PCK2: variants seen among roughly 807,000 people sequenced by gnomAD.
The protein encoded by PCK2 is phosphoenolpyruvate carboxykinase 2, mitochondrial.
Under a neutral mutation model 65.9 loss-of-function variants are expected in PCK2, and 56 were observed. The observed-to-expected ratio is 0.85, with a 90% CI of 0.69 to 1.06. The LOEUF is 1.06. Among genes scored for constraint, PCK2 ranks in the 50% least tolerant of loss-of-function variants. PCK2 has a pLI of 0.00. For synonymous variants in PCK2, 305 were observed against 319.6 expected, an observed-to-expected ratio of 0.95 and a Z score of 0.49; for missense variants, 843 against 863.1, an observed-to-expected ratio of 0.98 and a Z score of 0.29.
rs745884414 is a variant in PCK2, at chr14:24,098,284, G to A, written c.357G>A (p.Thr119=). The A allele has an allele frequency of 7.4e-6, 12 of 1,613,992 alleles. No individual in the cohort carries two copies. The South Asian group carries it at 7.7e-5, about 10-fold the overall frequency. ...TTGTAACTCCTTCTCAGCGGGACAC[G>A]GTACCACTCCCGCCTGGTGGGGCCC... is the stretch of plus-strand genomic sequence containing the variant. ...TVIVTPSQRD[T]VPLPPGGARG... is the part of the protein sequence containing the mutation. The change falls in exon 3 of 10, where the codon ACG becomes ACA. Residue 119 remains threonine (T), a synonymous_variant. Coordinates refer to ENST00000216780, the MANE Select transcript of PCK2 (RefSeq NM_004563.4).
rs1566578856 is a variant in PCK2, at chr14:24,100,176, T to G, written c.1197T>G (p.Val399=). ...EGIDQPLPPG[V]TVTSWLGKPW... ...TTGACCAGCCTCTTCCACCTGGTGT[T>G]ACTGTGACCTCCTGGCTGGGCAAAC... Residue 399 remains valine (V), a synonymous_variant, in exon 7 of 10, where the codon GTT becomes GTG. Transcript: ENST00000216780. 1 of 1,614,184 alleles carries G rather than the reference T, an allele frequency of 6.2e-7. No homozygotes were observed. The highest frequency in any genetic ancestry group is 8.5e-7 in the Non-Finnish European group (1 of 1,180,026).
At chr14:24,099,757 CT>C in intron 6 of PCK2, 37 bp downstream of exon 6, 1 of 1,587,446 alleles carries the variant, frequency 6.3e-7, no homozygotes, top group Admixed American at 1.7e-5. Context: ...GGTTCTGGCT[CT>C]TGTCAGAGCC....
chr14:24,094,489 C>A lies in PCK2; in HGVS notation c.29+55C>A. ...GCACCTTCCGCTGCGCTCGCCCCCT[C>A]GGGGCTGCCAGTGGCGCTCTCCTGC... is the stretch of plus-strand genomic sequence containing the variant. On this transcript the variant is annotated intron_variant, in intron 1 of 9. Coordinates refer to ENST00000216780, the MANE Select transcript of PCK2 (RefSeq NM_004563.4). The surrounding 1 kb of genome is among the most constrained non-coding windows in gnomAD (Gnocchi z 4.1). The A allele has an allele frequency of 2.0e-6, 3 of 1,482,042 alleles. No homozygotes were observed. Among genetic ancestry groups the A allele is most frequent in the South Asian group, 2.6e-5 (2 of 76,078 alleles). The allele number at this position is 1,482,042 out of a possible 1,614,324, so 91.8% of individuals were successfully genotyped here.
Position 24,102,818 on chromosome 14 carries a change from A to G in PCK2, c.1300A>G (p.Met434Val), listed in dbSNP as rs200768361. 38 of 1,613,934 alleles carry G rather than the reference A, an allele frequency of 2.4e-5. No individual in the cohort carries two copies. Among genetic ancestry groups the G allele is most frequent in the Non-Finnish European group, 2.1e-5 (25 of 1,179,830 alleles). The change falls in exon 8 of 10, where the codon ATG (methionine) becomes GTG (valine). Residue 434 changes from methionine to valine, a missense_variant. Physicochemically the swap from Met to Val is conservative, Grantham distance 21. Transcript: ENST00000216780. ...TGCCCCGGCTCGCCAGTGCCCCATC[A>G]TGGACCCAGCCTGGGAGGCCCCAGA... ...FCAPARQCPI[M>V]DPAWEAPEGV...
In PCK2 at chr14:24,096,952, G is replaced by A. The variant is rs1442237851; in HGVS notation, c.90G>A (p.Leu30=). ...GWPSCRSIQT[L]RVLSGDLGQL... Reference sequence around the variant, plus strand: ...CATCATGCCGTAGCATCCAGACCCTGCGAGTGCTTAGTGGAGATCTGGGCC... The same window carrying A: ...CATCATGCCGTAGCATCCAGACCCTACGAGTGCTTAGTGGAGATCTGGGCC... The change falls in exon 2 of 10, where the codon CTG becomes CTA. Residue 30 remains leucine, a synonymous_variant. Coordinates refer to ENST00000216780, the MANE Select transcript of PCK2 (RefSeq NM_004563.4). The A allele has an allele frequency of 6.2e-7, 1 of 1,613,578 alleles. No homozygotes were observed. Among genetic ancestry groups the A allele is most frequent in the East Asian group, 2.2e-5 (1 of 44,886 alleles).
chr14:24,099,318 C>T, intron 5 of PCK2, 82 bp downstream of exon 5: 1 of 1,350,178 alleles, frequency 7.4e-7, no homozygotes, highest in Non-Finnish European at 1.0e-6. Flanking sequence ...GCCTCACCTC[C>T]CTCCTGCCAG....
rs2036917793 is a variant in PCK2, at chr14:24,097,068, A to T, written c.206A>T (p.Glu69Val). Residue 69 changes from glutamate (E) to valine (V), a missense_variant, in exon 2 of 10, where the codon GAG (glutamate) becomes GTG (valine). By Grantham distance (121) the Glu-to-Val change is moderately radical (BLOSUM62 -2). Transcript: ENST00000216780. ...GIHICDGTEA[E>V]NTATLTLLEQ... is the part of the protein sequence containing the mutation. Reference sequence around the variant, plus strand: ...CACATCTGTGATGGAACTGAGGCTGAGAATACTGCCACACTGACCCTGCTG... The same window carrying T: ...CACATCTGTGATGGAACTGAGGCTGTGAATACTGCCACACTGACCCTGCTG... 6.2e-7 allele frequency: 1 copy of T among 1,613,356 alleles called. No homozygotes were observed. The highest frequency in any genetic ancestry group is 1.3e-5 in the African/African-American group (1 of 74,852).
At position 24,099,557 on chromosome 14, in the gene PCK2, G is replaced by A; in HGVS notation, c.853-1G>A. ...TTATTCCCTCTCTCCCCAATGCACA[G>A]ATCCTGGGCATCACCAGCCCTGCAG... is the stretch of plus-strand genomic sequence containing the variant. On this transcript the variant is annotated splice_acceptor_variant, in intron 5 of 9. Transcript: ENST00000216780. LOFTEE classifies it high-confidence loss of function. 1.3e-6 allele frequency: 2 copies of A among 1,587,348 alleles called. No homozygotes were observed. Among genetic ancestry groups the A allele is most frequent in the Non-Finnish European group, 1.7e-6 (2 of 1,166,632 alleles).
rs770277224 is a variant in PCK2, at chr14:24,100,180, G to A, written c.1201G>A (p.Val401Met). Reference sequence around the variant, plus strand: ...CCAGCCTCTTCCACCTGGTGTTACTGTGACCTCCTGGCTGGGCAAACCCTG... The same window carrying A: ...CCAGCCTCTTCCACCTGGTGTTACTATGACCTCCTGGCTGGGCAAACCCTG... ...IDQPLPPGVT[V>M]TSWLGKPWKP... Residue 401 changes from valine (V) to methionine (M), a missense_variant, in exon 7 of 10, where the codon GTG becomes ATG. Coordinates refer to ENST00000216780, the MANE Select transcript of PCK2 (RefSeq NM_004563.4). 2.5e-6 allele frequency: 4 copies of A among 1,614,074 alleles called. No individual in the cohort carries two copies. Among genetic ancestry groups the A allele is most frequent in the African/African-American group, 2.7e-5 (2 of 74,930 alleles).
chr14:24,100,095 C>T lies in PCK2; in HGVS notation c.1116C>T (p.Asn372=). 6.2e-7 allele frequency: 1 copy of T among 1,612,502 alleles called. No individual in the cohort carries two copies. The highest frequency in any genetic ancestry group is 8.5e-7 in the Non-Finnish European group (1 of 1,179,102). The part of the protein sequence containing the change: ...NPNAMATIQS[N]TIFTNVAETS... ...ACGCCATGGCTACAATCCAGAGTAACACTATTTTTACCAATGTGGCTGAGA... is the reference window on the plus strand; with the variant it reads ...ACGCCATGGCTACAATCCAGAGTAATACTATTTTTACCAATGTGGCTGAGA... The change falls in exon 7 of 10, where the codon AAC becomes AAT. Residue 372 remains asparagine (N), a synonymous_variant. Transcript: ENST00000216780.
intron 1 of PCK2, 28 bp from the exon 2 acceptor site, chr14:24,096,864 T>G (rs761035374): frequency 6.3e-7 from 1 of 1,599,174 alleles, no homozygotes; most frequent in Non-Finnish European, 8.5e-7. Flanking sequence ...TGACAGCAAC[T>G]AGCTCATTGC....
chr14:24,103,463 AC>A (rs1594313069), intron 9 of PCK2, 46 bp from the exon 10 acceptor site: 1 of 1,472,732 alleles, frequency 6.8e-7, no homozygotes, highest in Non-Finnish European at 9.2e-7. Flanking sequence ...GCCCTTCCCT[AC>A]CCCAGTGAGA....
At position 24,103,187 on chromosome 14, in the gene PCK2, A is replaced by G. The variant is rs1325649589; in HGVS notation, c.1400A>G (p.Asn467Ser). The change falls in exon 9 of 10, where the codon AAC becomes AGC. Residue 467 changes from asparagine (N) to serine (S), a missense_variant. Asn to Ser is a conservative substitution (Grantham distance 46). Transcript: ENST00000216780. ...KGVPLVYEAF[N>S]WRHGVFVGSA... ...GTACCCCTGGTATACGAGGCCTTCA[A>G]CTGGCGTCATGGGGTGTTTGTGGGC... is the stretch of plus-strand genomic sequence containing the variant. 6 of 1,614,118 alleles carry G rather than the reference A, an allele frequency of 3.7e-6. No individual in the cohort carries two copies. The South Asian group carries it at 5.5e-5, about 15-fold the overall frequency.
chr14:24,100,435 T>C (rs918061566), intron 7 of PCK2: 2 of 1,024,430 alleles, frequency 2.0e-6, no homozygotes, highest in Non-Finnish European at 2.7e-6. Context: ...CCCTAAGCTT[T>C]AGTTTCCACA....
At chr14:24,100,322 A>G in intron 7 of PCK2, 109 bp downstream of exon 7, 2 of 1,517,300 alleles carry the variant, frequency 1.3e-6, no homozygotes, top group Non-Finnish European at 8.8e-7. Context: ...CAGGAGGCAC[A>G]GAAGTCATGA....
intron 7 of PCK2, 71 bp from the exon 8 acceptor site, chr14:24,102,682 G>T: frequency 2.4e-6 from 3 of 1,245,028 alleles, no homozygotes; most frequent in Non-Finnish European, 3.4e-6. Flanking sequence ...GCAAGAATGT[G>T]TGCCCATGTA....
rs2036767173 is a variant in PCK2, at chr14:24,094,526, G to A, written c.29+92G>A. 2 of 1,446,012 alleles carry A rather than the reference G, an allele frequency of 1.4e-6. No homozygotes were observed. Among genetic ancestry groups the A allele is most frequent in the Middle Eastern group, 2.0e-4 (1 of 4,882 alleles). 89.6% of individuals were successfully genotyped at this position (1,446,012 alleles called of 1,614,324 possible). ...TGGCGCTCTCCTGCTCTCAGCCTCC[G>A]CCAGGTTTCCCATCCTAGGCGGAGG... On this transcript the variant is annotated intron_variant, in intron 1 of 9. Coordinates refer to ENST00000216780, the MANE Select transcript of PCK2 (RefSeq NM_004563.4). This position sits in a 1 kb window ranked among gnomAD's most constrained non-coding sequence, Gnocchi z 4.1.
At chr14:24,097,200 G>T in intron 2 of PCK2, 63 bp downstream of exon 2, 2 of 1,522,384 alleles carry the variant, frequency 1.3e-6, no homozygotes, top group Non-Finnish European at 1.8e-6. Context: ...GTTCACCAAG[G>T]CAAAATCAAC....
At chr14:24,100,651 A>C (rs2037126625) in intron 7 of PCK2, 4 of 915,560 alleles carry the variant, frequency 4.4e-6, no homozygotes, top group Non-Finnish European at 5.3e-6. Context: ...ACTATCCATA[A>C]AGTTTGGCCC....
Sources: allele counts gnomAD v4.1 joint callset, GRCh38; gene constraint gnomAD v4.1.1; non-coding constraint Gnocchi (gnomAD v3.1); transcripts MANE v1.5; gene names NCBI Gene and HGNC (gene_info 2026-07-23, HGNC 2026-07-21).